FAM227A: variants seen among roughly 807,000 people sequenced by gnomAD.
FAM227A encodes the protein protein FAM227A.
A neutral mutation model predicts 74.7 loss-of-function variants in FAM227A; 80 were observed. The observed-to-expected ratio is 1.07, with a 90% CI of 0.89 to 1.29. The LOEUF is 1.29. Among genes scored for constraint, FAM227A ranks in the 50% most tolerant of loss-of-function variants. FAM227A has a pLI of 0.00. For missense variants in FAM227A, 654 were observed against 683.4 expected (o/e 0.96, Z 0.48); for synonymous variants, 237 against 241.8 (o/e 0.98, Z 0.19).
chr22:38,650,405 A>T (rs2092306977), intron 1 of FAM227A, 143 bp from the exon 2 acceptor site: 1 of 517,892 alleles, frequency 1.9e-6, no homozygotes, highest in Admixed American at 3.3e-5. Flanking sequence ...TGAGAAGCCT[A>T]TTCTTAAATG....
intron 6 of FAM227A, among the ~76,000 whole-genome samples, chr22:38,630,996 T>C (rs922790230): frequency 8.5e-5 from 13 of 152,134 alleles, no homozygotes; most frequent in Non-Finnish European, 1.6e-4. Context: ...GGTGAAACCC[T>C]GTCTCTACTA....
chr22:38,630,687 ATATT>A (rs2091898996), intron 6 of FAM227A, among the ~76,000 whole-genome samples: 1 of 152,134 alleles, frequency 6.6e-6, no homozygotes, highest in Non-Finnish European at 1.5e-5. Context: ...TCTTCAACAA[ATATT>A]TATTGAGCAC....
In FAM227A at chr22:38,586,094, G is replaced by A; in HGVS notation, c.*31C>T. The A allele has an allele frequency of 6.4e-7, 1 of 1,552,036 alleles. No individual in the cohort carries two copies. The highest frequency in any genetic ancestry group is 1.7e-4 in the Middle Eastern group (1 of 5,996). ...TAGCAGAAATATCACGGATTCTGTA[G>A]GCGCTTCCTGGTTCTAGGTTGTGGA... On this transcript the variant is annotated 3_prime_UTR_variant, in exon 17 of 17. Coordinates refer to ENST00000535113, the MANE Select transcript of FAM227A (RefSeq NM_001013647.2).
chr22:38,651,991 A>G (rs1603093695), intron 1 of FAM227A, among the ~76,000 whole-genome samples: 1 of 151,742 alleles, frequency 6.6e-6, no homozygotes, highest in South Asian at 2.1e-4. Flanking sequence ...GTTCGAGACC[A>G]GCCTGGCCAA....
chr22:38,590,168 A>C (rs1236141587), intron 16 of FAM227A, among the ~76,000 whole-genome samples: 1 of 151,390 alleles, frequency 6.6e-6, no homozygotes, highest in Non-Finnish European at 1.5e-5. Context: ...AGTCCCAGCT[A>C]CTCAGGGAGG....
At chr22:38,606,478 A>G (rs1012007073) in intron 12 of FAM227A, among the ~76,000 whole-genome samples, 4 of 152,190 alleles carry the variant, frequency 2.6e-5, no homozygotes, top group African/African-American at 9.7e-5. Flanking sequence ...TAAACTGGTT[A>G]CCATGCCTTG....
In FAM227A at chr22:38,650,201, G is replaced by A. The variant is rs2145743292; in HGVS notation, c.-33C>T. The A allele has an allele frequency of 6.5e-7, 1 of 1,548,748 alleles. No homozygotes were observed. Among genetic ancestry groups the A allele is most frequent in the Non-Finnish European group, 8.7e-7 (1 of 1,145,518 alleles). ...TTTCTTGTAAATGGACAAACAAAAA[G>A]CTTCCACTTTTAAGAGCCTCTCATT... On this transcript the variant is annotated 5_prime_UTR_variant, in exon 2 of 17. Transcript: ENST00000535113.
chr22:38,641,646 T>C (rs928434028), intron 3 of FAM227A, among the ~76,000 whole-genome samples: 4 of 152,006 alleles, frequency 2.6e-5, no homozygotes, highest in Non-Finnish European at 5.9e-5. Flanking sequence ...TCTTCATCAT[T>C]GTAATCCTCT....
intron 13 of FAM227A, among the ~76,000 whole-genome samples, chr22:38,603,150 A>T (rs1229038587): frequency 6.6e-6 from 1 of 152,222 alleles, no homozygotes; most frequent in Non-Finnish European, 1.5e-5. Context: ...TTTGGATTAC[A>T]GGTGTGAGCC....
chr22:38,592,266 A>G (rs1038317502), intron 15 of FAM227A, among the ~76,000 whole-genome samples: 3 of 152,092 alleles, frequency 2.0e-5, no homozygotes, highest in Non-Finnish European at 2.9e-5. Context: ...TAAACAACAA[A>G]AAGTGATGTA....
At chr22:38,645,775 GTT>G (rs2092225048) in intron 2 of FAM227A, 130 bp from the exon 3 acceptor site, 4 of 610,076 alleles carry the variant, frequency 6.6e-6, no homozygotes, top group Non-Finnish European at 1.1e-5. Context: ...TGCATTCAGA[GTT>G]TTCACATTTC....
At chr22:38,629,744 C>A (rs2091880915) in intron 6 of FAM227A, among the ~76,000 whole-genome samples, 1 of 32,824 alleles carries the variant, frequency 3.0e-5, no homozygotes, top group African/African-American at 1.5e-4. Context: ...AGGAAGCGTG[C>A]CTCTTCTTTA....
Position 38,581,270 on chromosome 22 carries a change from T to C in FAM227A, c.*4855A>G, listed in dbSNP as rs2090704727. On this transcript the variant is annotated 3_prime_UTR_variant, in exon 17 of 17. Coordinates refer to ENST00000535113, the MANE Select transcript of FAM227A (RefSeq NM_001013647.2). ...ATAGCTTCCTTGGTGTTAAGTGTGA[T>C]AAGATGTTTCAGGTCTCATGATTTT... 6.6e-6 allele frequency: 1 copy of C among 152,188 alleles called. No homozygotes were observed. The highest frequency in any genetic ancestry group is 1.5e-5 in the Non-Finnish European group (1 of 68,040). The allele number at this position is 152,188 out of a possible 1,614,324, so 9.4% of individuals were successfully genotyped here.
In FAM227A at chr22:38,583,682, A is replaced by T. The variant is rs2090749915; in HGVS notation, c.*2443T>A. The T allele has an allele frequency of 6.6e-6, 1 of 152,242 alleles. No homozygotes were observed. Among genetic ancestry groups the T allele is most frequent in the African/African-American group, 2.4e-5 (1 of 41,438 alleles). 9.4% of individuals were successfully genotyped at this position (152,242 alleles called of 1,614,324 possible). ...CTACTATGCTGAGTCACACATCCATATGGTGAAGCAGGGCAGGGATTCAAA... is the reference window on the plus strand; with the variant it reads ...CTACTATGCTGAGTCACACATCCATTTGGTGAAGCAGGGCAGGGATTCAAA... On this transcript the variant is annotated 3_prime_UTR_variant, in exon 17 of 17. Coordinates refer to ENST00000535113, the MANE Select transcript of FAM227A (RefSeq NM_001013647.2).
intron 2 of FAM227A, among the ~76,000 whole-genome samples, chr22:38,646,251 T>G (rs1224460337): frequency 2.3e-5 from 1 of 44,296 alleles, no homozygotes; most frequent in Non-Finnish European, 4.1e-5. Flanking sequence ...AGTATTTCTT[T>G]TTTTTTTTTT....
Position 38,625,282 on chromosome 22 carries a change from G to A in FAM227A, c.850+898C>T, listed in dbSNP as rs951932429. 3.8e-4 allele frequency among the ~76,000 whole-genome samples: 57 copies of A among 151,958 alleles called. 1 individual carries two copies. Among genetic ancestry groups the A allele is most frequent in the African/African-American group, 1.3e-3 (52 of 41,452 alleles). On this transcript the variant is annotated intron_variant, in intron 9 of 16. Coordinates refer to ENST00000535113, the MANE Select transcript of FAM227A (RefSeq NM_001013647.2). ...TGGGCACCTATAGTCCCAGCTACTC[G>A]GGAGGCTGAGGCAGGAGAATGGCAA...
chr22:38,608,155 CAAAAAAAAAA>C (rs35387385), intron 11 of FAM227A, among the ~76,000 whole-genome samples: 1 of 76,926 alleles, frequency 1.3e-5, no homozygotes, highest in African/African-American at 4.7e-5. Flanking sequence ...CTTTTCTCTA[CAAAAAAAAAA>C]AAAAAAAAAA....
intron 14 of FAM227A, among the ~76,000 whole-genome samples, chr22:38,599,389 A>C (rs966225236): frequency 6.6e-6 from 1 of 152,180 alleles, no homozygotes; most frequent in Non-Finnish European, 1.5e-5. Context: ...TGAAACATAC[A>C]TGTGGACAAC....
At chr22:38,653,843 G>C (rs2092354221) in intron 1 of FAM227A, 1 of 152,202 alleles carries the variant, frequency 6.6e-6, no homozygotes, top group Admixed American at 6.5e-5. Flanking sequence ...CTCGGGACAG[G>C]AAAGTGAACT....
Sources: gnomAD v4.1 joint callset for allele counts (sites outside exome capture counted in the v4.1 genomes callset) on GRCh38, gnomAD v4.1.1 for gene constraint, MANE v1.5 for transcripts, NCBI Gene and HGNC (gene_info 2026-07-23, HGNC 2026-07-21) for gene names.